The following TBL1X variants were observed in gnomAD, a reference collection of about 807,000 sequenced individuals.
TBL1X encodes the protein transducin beta like 1 X-linked, also known as F-box-like/WD repeat-containing protein TBL1X.
In TBL1X, 10 loss-of-function variants were observed where a neutral mutation model predicts 50.7. The observed-to-expected ratio is 0.20, with a 90% CI of 0.12 to 0.33. The LOEUF is 0.33. TBL1X is among the 10% of genes least tolerant of loss of function. The pLI, the probability that TBL1X is intolerant of heterozygous loss-of-function variation, is 1.00. For missense variants in TBL1X, 340 were observed against 504.4 expected, an observed-to-expected ratio of 0.67 and a Z score of 3.12; for synonymous variants, 190 against 214.7, an observed-to-expected ratio of 0.88 and a Z score of 1.01.
intron 1 of TBL1X, among the ~76,000 whole-genome samples, chrX:9,495,785 C>CA (rs1288684688): frequency 9.0e-6 from 1 of 111,692 alleles, no homozygotes; most frequent in Non-Finnish European, 1.9e-5. Context: ...TTTTAAGCAG[C>CA]AAAGTCACCC....
chrX:9,540,562 C>T (rs368317681), intron 2 of TBL1X, among the ~76,000 whole-genome samples: 13 of 112,502 alleles, frequency 1.2e-4, no homozygotes, highest in African/African-American at 1.6e-4. Flanking sequence ...CTTGTTAGCG[C>T]GGAGCTGGGA....
At chrX:9,482,443 G>A (rs1390602456) in intron 1 of TBL1X, among the ~76,000 whole-genome samples, 4 of 111,849 alleles carry the variant, frequency 3.6e-5, no homozygotes, top group Non-Finnish European at 7.5e-5. Flanking sequence ...TTAGGACTTG[G>A]ACACTGACTA....
At chrX:9,681,091 G>A (rs2083022813) in intron 5 of TBL1X, among the ~76,000 whole-genome samples, 1 of 111,908 alleles carries the variant, frequency 8.9e-6, no homozygotes. Flanking sequence ...GCCAAAACAT[G>A]TACTCAACAT....
intron 3 of TBL1X, among the ~76,000 whole-genome samples, chrX:9,647,451 T>C (rs915689954): frequency 8.9e-6 from 1 of 111,800 alleles, no homozygotes; most frequent in South Asian, 3.8e-4. Context: ...ATCAACCTAA[T>C]TGAAGGTGTC....
chrX:9,468,036 A>G (rs1019491124), intron 1 of TBL1X, among the ~76,000 whole-genome samples: 2 of 112,446 alleles, frequency 1.8e-5, no homozygotes, highest in Admixed American at 9.4e-5. Flanking sequence ...AATCCACCGC[A>G]TGCCTGAAGG....
At chrX:9,607,414 C>CCGCCTCACCCTGGCACTTGCAT (rs777537492) in intron 2 of TBL1X, among the ~76,000 whole-genome samples, 1,458 of 113,396 alleles carry the variant, frequency 0.013, 14 homozygotes, top group Non-Finnish European at 0.02. Flanking sequence ...GGTGCTGGCA[C>CCGCCTCACCCTGGCACTTGCAT]CGCCTCACCC....
intron 5 of TBL1X, among the ~76,000 whole-genome samples, chrX:9,664,303 T>C (rs759924615): frequency 8.0e-5 from 9 of 112,694 alleles, no homozygotes; most frequent in Non-Finnish European, 1.3e-4. Flanking sequence ...TGGTGGTCCA[T>C]AATGCAAAGG....
chrX:9,545,433 A>G (rs1187196059), intron 2 of TBL1X, among the ~76,000 whole-genome samples: 2 of 108,735 alleles, frequency 1.8e-5, no homozygotes, highest in Non-Finnish European at 3.8e-5. Flanking sequence ...CTGTAGTCCT[A>G]CTGCTTGAGA....
intron 2 of TBL1X, among the ~76,000 whole-genome samples, chrX:9,596,305 G>A (rs1278288112): frequency 8.9e-6 from 1 of 112,071 alleles, no homozygotes; most frequent in Non-Finnish European, 1.9e-5. Context: ...ATAAATGTTT[G>A]TAATTGTTAC....
At position 9,485,805 on chromosome X, in the gene TBL1X, C is replaced by T. The variant is rs192713328; in HGVS notation, c.-200-15975C>T. Among the ~76,000 whole-genome samples the T allele has an allele frequency of 9.8e-5, 11 of 112,331 alleles. No homozygotes were observed. In the East Asian group the frequency reaches 2.5e-3, roughly 26 times the overall value. On this transcript the variant is annotated intron_variant, in intron 1 of 17. Coordinates refer to ENST00000645353, the MANE Select transcript of TBL1X (RefSeq NM_005647.4). ...AATCAACCAGTCTCAAATCAATTCACGAAAGGGGGCCAATTTGCCTTTCGG... is the reference window on the plus strand; with the variant it reads ...AATCAACCAGTCTCAAATCAATTCATGAAAGGGGGCCAATTTGCCTTTCGG...
At chrX:9,482,947 T>C (rs746902641) in intron 1 of TBL1X, among the ~76,000 whole-genome samples, 1 of 111,426 alleles carries the variant, frequency 9.0e-6, no homozygotes, top group Admixed American at 9.6e-5. Context: ...ACTCTTTCTC[T>C]ACTAAAATGC....
intron 2 of TBL1X, among the ~76,000 whole-genome samples, chrX:9,604,406 C>A (rs1468958929): frequency 9.0e-6 from 1 of 110,602 alleles, no homozygotes; most frequent in Non-Finnish European, 1.9e-5. Flanking sequence ...CACTTTCCCC[C>A]CCTTTTTTTT....
chrX:9,502,845 G>A lies in TBL1X; in HGVS notation c.-131+996G>A, dbSNP rs1004466468. Among the ~76,000 whole-genome samples the A allele has an allele frequency of 1.3e-4, 15 of 112,281 alleles. No individual in the cohort carries two copies. In the East Asian group the frequency reaches 2.0e-3, roughly 15 times the overall value. ...TGCTACAGCAACAAGGTGCCATGTTGGAAGGAAGCAGAGAACATCCCTCAC... is the reference window on the plus strand; with the variant it reads ...TGCTACAGCAACAAGGTGCCATGTTAGAAGGAAGCAGAGAACATCCCTCAC... On this transcript the variant is annotated intron_variant, in intron 2 of 17. Transcript: ENST00000645353.
chrX:9,642,278 A>G (rs1444070007), intron 3 of TBL1X, among the ~76,000 whole-genome samples: 1 of 111,453 alleles, frequency 9.0e-6, no homozygotes, highest in Non-Finnish European at 1.9e-5. Flanking sequence ...AGCCTTTGAT[A>G]ACTTGTATGG....
intron 7 of TBL1X, among the ~76,000 whole-genome samples, chrX:9,690,513 C>T (rs1347278997): frequency 9.0e-6 from 1 of 111,592 alleles, no homozygotes; most frequent in Non-Finnish European, 1.9e-5. Flanking sequence ...ACCCTTGTGA[C>T]CTCCTTTTAC....
chrX:9,528,894 G>A (rs5934644), intron 2 of TBL1X, among the ~76,000 whole-genome samples: 27,525 of 109,261 alleles, frequency 0.25, 2,617 homozygotes, highest in East Asian at 0.48. Flanking sequence ...GAGGGTGGCA[G>A]CTGGAGATGG....
intron 5 of TBL1X, among the ~76,000 whole-genome samples, chrX:9,681,661 T>A (rs1157508372): frequency 8.9e-6 from 1 of 112,514 alleles, no homozygotes; most frequent in Non-Finnish European, 1.9e-5. Context: ...CCTTCCACAA[T>A]TGCTCCATCA....
intron 2 of TBL1X, among the ~76,000 whole-genome samples, chrX:9,515,195 C>T (rs764967730): frequency 8.8e-4 from 98 of 111,843 alleles, no homozygotes; most frequent in African/African-American, 3.1e-3. Context: ...TCCTATAGTC[C>T]TTATTTTATA....
chrX:9,481,051 G>A (rs1569202662), intron 1 of TBL1X, among the ~76,000 whole-genome samples: 1 of 111,538 alleles, frequency 9.0e-6, no homozygotes, highest in Non-Finnish European at 1.9e-5. Context: ...GACCTTAACT[G>A]TGGCTGTTCT....
Sources: allele counts gnomAD v4.1 joint callset (sites outside exome capture counted in the v4.1 genomes callset), GRCh38; gene constraint gnomAD v4.1.1; transcripts MANE v1.5; gene names NCBI Gene and HGNC (gene_info 2026-07-23, HGNC 2026-07-21).